TRPM8: variants seen among roughly 807,000 people sequenced by gnomAD.
The protein encoded by TRPM8 is TRPM8 cationic channel.
Under a neutral mutation model 133.7 loss-of-function variants are expected in TRPM8, and 110 were observed. The ratio of observed to expected loss-of-function variants is 0.82; its 90% CI spans 0.70 to 0.96. The LOEUF (loss-of-function observed/expected upper bound fraction) is 0.96. Ranked by LOEUF, TRPM8 falls within the 40% of genes least tolerant of loss-of-function variation. The pLI is 0.00. For synonymous variants in TRPM8, 535 were observed against 532.3 expected (o/e 1.01, Z -0.07); for missense variants, 1,291 against 1,379.5 (o/e 0.94, Z 1.02).
At chr2:233,954,830 A>G (rs1691252777) in intron 10 of TRPM8, among the ~76,000 whole-genome samples, 1 of 152,226 alleles carries the variant, frequency 6.6e-6, no homozygotes. Context: ...GCCTTGAAAT[A>G]TAATACTATG....
chr2:233,999,428 G>A (rs1319861374), intron 22 of TRPM8, among the ~76,000 whole-genome samples: 3 of 152,080 alleles, frequency 2.0e-5, no homozygotes, highest in Non-Finnish European at 4.4e-5. Context: ...CAAGTCACAG[G>A]CCCACCCAGA....
In TRPM8 at chr2:233,947,156, G is replaced by A. The variant is rs775674112; in HGVS notation, c.942+1G>A. 4 of 1,613,920 alleles carry A rather than the reference G, an allele frequency of 2.5e-6. No individual in the cohort carries two copies. The South Asian group carries it at 3.3e-5, about 13-fold the overall frequency. On this transcript the variant is annotated splice_donor_variant, in intron 8 of 25. Coordinates refer to ENST00000324695, the MANE Select transcript of TRPM8 (RefSeq NM_024080.5). LOFTEE classifies it high-confidence loss of function. Reference sequence around the variant, plus strand: ...AGGAGGTGGAAAAGAGACTTTGAAAGTGAGTCCTGATTTAGTTTTCTAGAA... The same window carrying A: ...AGGAGGTGGAAAAGAGACTTTGAAAATGAGTCCTGATTTAGTTTTCTAGAA...
intron 17 of TRPM8, among the ~76,000 whole-genome samples, chr2:233,971,310 TA>T (rs1428604457): frequency 6.6e-6 from 1 of 152,194 alleles, no homozygotes; most frequent in Non-Finnish European, 1.5e-5. Context: ...TAAGTTGGCT[TA>T]AAGTTTCATG....
At chr2:233,971,712 T>G (rs112487242) in intron 17 of TRPM8, among the ~76,000 whole-genome samples, 1,946 of 152,190 alleles carry the variant, frequency 0.013, 36 homozygotes, top group African/African-American at 0.043. Context: ...GTGGTCTCGC[T>G]GGCTCAGGAG....
At chr2:233,978,575 A>G (rs531095813) in intron 17 of TRPM8, among the ~76,000 whole-genome samples, 1 of 152,164 alleles carries the variant, frequency 6.6e-6, no homozygotes, top group East Asian at 1.9e-4. Flanking sequence ...TTTCTCTTTT[A>G]CTTTGTGGAA....
chr2:234,008,765 A>T (rs1282684051), intron 24 of TRPM8, among the ~76,000 whole-genome samples: 1 of 152,164 alleles, frequency 6.6e-6, no homozygotes, highest in Non-Finnish European at 1.5e-5. Context: ...TGGTTTGGCA[A>T]AATCTCCACC....
intron 3 of TRPM8, among the ~76,000 whole-genome samples, chr2:233,936,261 G>C (rs2125073606): frequency 6.6e-6 from 1 of 152,306 alleles, no homozygotes; most frequent in Middle Eastern, 3.4e-3. Context: ...TCAGCCCAGG[G>C]CTGACTCAGA....
intron 9 of TRPM8, among the ~76,000 whole-genome samples, chr2:233,950,452 G>C (rs966627092): frequency 1.2e-4 from 19 of 152,230 alleles, no homozygotes; most frequent in South Asian, 2.1e-4. Flanking sequence ...GAGAGAGAGA[G>C]ACACAAGAAT....
intron 10 of TRPM8, among the ~76,000 whole-genome samples, chr2:233,954,401 C>T (rs114967000): frequency 6.6e-6 from 1 of 152,234 alleles, no homozygotes; most frequent in Non-Finnish European, 1.5e-5. Context: ...ACATACTTCA[C>T]ACCTAAGTAA....
At chr2:233,961,265 T>C (rs1691430475) in intron 12 of TRPM8, among the ~76,000 whole-genome samples, 199 bp downstream of exon 12, 2 of 152,212 alleles carry the variant, frequency 1.3e-5, no homozygotes, top group African/African-American at 4.8e-5. Flanking sequence ...AATATCTTGC[T>C]TTATGATCTA....
chr2:233,928,746 A>G (rs1157976013), intron 2 of TRPM8, among the ~76,000 whole-genome samples: 1 of 152,236 alleles, frequency 6.6e-6, no homozygotes, highest in East Asian at 1.9e-4. Context: ...AATATTGAAA[A>G]GAATGCTCTT....
At chr2:234,002,399 G>A (rs1692592301) in intron 22 of TRPM8, among the ~76,000 whole-genome samples, 1 of 152,128 alleles carries the variant, frequency 6.6e-6, no homozygotes, top group Admixed American at 6.5e-5. Context: ...AATCCCAGAG[G>A]AAGGAAAAAC....
chr2:233,963,469 A>C, intron 13 of TRPM8, 92 bp downstream of exon 13: 1 of 701,782 alleles, frequency 1.4e-6, no homozygotes, highest in Non-Finnish European at 2.4e-6. Context: ...CTAATATAAA[A>C]CATCATCAGT....
At chr2:233,981,940 C>A in intron 19 of TRPM8, 25 bp downstream of exon 19, 2 of 1,573,088 alleles carry the variant, frequency 1.3e-6, no homozygotes, top group South Asian at 2.4e-5. Flanking sequence ...TATTTGTAGT[C>A]ATCATTTTTC....
rs144216731 is a variant in TRPM8 at position 233,988,920 on chromosome 2, G to A, written c.2939+3055G>A. Reference sequence around the variant, plus strand: ...ACCAATCCCAAAACCTGAAGCAAAGGCGAGGGCGAAGTGGGATGGCTTCAG... The same window carrying A: ...ACCAATCCCAAAACCTGAAGCAAAGACGAGGGCGAAGTGGGATGGCTTCAG... On this transcript the variant is annotated intron_variant, in intron 21 of 25. Transcript: ENST00000324695. Among the ~76,000 whole-genome samples the A allele has an allele frequency of 1.2e-4, 18 of 152,328 alleles. No homozygotes were observed. In the South Asian group the frequency reaches 1.9e-3, roughly 16 times the overall value.
rs557044553 is a variant in TRPM8, at chr2:233,977,569, C to T, written c.2356-2619C>T. Among the ~76,000 whole-genome samples the T allele has an allele frequency of 4.6e-5, 7 of 152,296 alleles. No homozygotes were observed. The East Asian group carries it at 1.3e-3, about 29-fold the overall frequency. ...AGCAGGGAGGGCCTTTCCCAATCCC[C>T]CTTATCTTACCAGGCACCAGAAGAG... On this transcript the variant is annotated intron_variant, in intron 17 of 25. Transcript: ENST00000324695.
intron 22 of TRPM8, among the ~76,000 whole-genome samples, chr2:234,005,225 G>T (rs187814622): frequency 6.6e-6 from 1 of 151,684 alleles, no homozygotes; most frequent in African/African-American, 2.4e-5. Context: ...TGACAGATTT[G>T]CCCCCTCGTA....
chr2:233,996,234 G>C, intron 21 of TRPM8, 92 bp from the exon 22 acceptor site: 1 of 1,183,514 alleles, frequency 8.4e-7, no homozygotes, highest in South Asian at 1.4e-5. Context: ...AGCTATTGCA[G>C]TAATAGCTTA....
chr2:233,948,770 C>T (rs769883588), intron 8 of TRPM8, among the ~76,000 whole-genome samples: 6 of 152,152 alleles, frequency 3.9e-5, no homozygotes, highest in African/African-American at 7.2e-5. Context: ...CAGTGGCTCA[C>T]GCCTGCAATC....
Sources: allele counts gnomAD v4.1 joint callset (sites outside exome capture counted in the v4.1 genomes callset), GRCh38; gene constraint gnomAD v4.1.1; transcripts MANE v1.5; gene names NCBI Gene and HGNC (gene_info 2026-07-23, HGNC 2026-07-21).